B3GALNT1: variants seen among roughly 807,000 people sequenced by gnomAD.
The protein encoded by B3GALNT1 is UDP-GalNAc:beta-1,3-N-acetylgalactosaminyltransferase 1.
B3GALNT1 carries 17 observed loss-of-function variants against 27.3 expected under a neutral mutation model. That is an observed-to-expected ratio of 0.62 (90% confidence interval 0.43 to 0.94). B3GALNT1 has a LOEUF of 0.94. Ranked by LOEUF, B3GALNT1 falls within the 40% of genes least tolerant of loss-of-function variation. B3GALNT1 has a pLI of 0.00. For missense variants in B3GALNT1, 347 were observed against 390.0 expected (o/e 0.89, Z 0.93); for synonymous variants, 141 against 144.0 (o/e 0.98, Z 0.15).
chr3:161,099,792 T>C (rs1216992455), intron 4 of B3GALNT1, among the ~76,000 whole-genome samples: 2 of 151,430 alleles, frequency 1.3e-5, no homozygotes, highest in East Asian at 3.9e-4. Flanking sequence ...GAATACTAGA[T>C]TGTGTCCCCC....
At chr3:161,099,863 A>G (rs556702725) in intron 4 of B3GALNT1, among the ~76,000 whole-genome samples, 1 of 152,256 alleles carries the variant, frequency 6.6e-6, no homozygotes, top group East Asian at 1.9e-4. Flanking sequence ...AAGAAACTGG[A>G]AAAGCATCTG....
chr3:161,103,197 G>A (rs34853143), intron 3 of B3GALNT1: 1 of 217,512 alleles, frequency 4.6e-6, no homozygotes, highest in African/African-American at 2.4e-5. Flanking sequence ...ACATAAAGTG[G>A]CCTTGTCTCT....
At chr3:161,093,463 C>A (rs756517396) in intron 4 of B3GALNT1, among the ~76,000 whole-genome samples, 2 of 152,132 alleles carry the variant, frequency 1.3e-5, no homozygotes, top group Non-Finnish European at 2.9e-5. Flanking sequence ...AGTGAGAGCA[C>A]AGGGCAGCTG....
At chr3:161,104,035 GT>G (rs1235062087) in intron 2 of B3GALNT1, 2 of 243,108 alleles carry the variant, frequency 8.2e-6, no homozygotes, top group Non-Finnish European at 1.6e-5. Context: ...CCTGGATGCT[GT>G]TTTGACAACA....
intron 4 of B3GALNT1, among the ~76,000 whole-genome samples, chr3:161,097,680 C>T (rs1006843851): frequency 6.6e-6 from 1 of 152,194 alleles, no homozygotes; most frequent in African/African-American, 2.4e-5. Flanking sequence ...GCCCCATGGT[C>T]TTTCTACAAC....
chr3:161,097,572 G>A (rs1484485541), intron 4 of B3GALNT1, among the ~76,000 whole-genome samples: 5 of 152,130 alleles, frequency 3.3e-5, no homozygotes, highest in Non-Finnish European at 5.9e-5. Context: ...GCAAATACGA[G>A]CCCCAAAGAA....
intron 4 of B3GALNT1, among the ~76,000 whole-genome samples, chr3:161,095,218 GGTTGT>G: frequency 6.6e-6 from 1 of 152,222 alleles, no homozygotes. Context: ...CCAAAAAGCT[GGTTGT>G]TGGAAAGGCT....
rs1415357117 is a variant in B3GALNT1 at position 161,103,440 on chromosome 3, G to A, written c.-143C>T. ...AGATGAACTTACCTGTGGAATTCCAGATGAAATTAAAGCTTAAGTTTTTTG... is the reference window on the plus strand; with the variant it reads ...AGATGAACTTACCTGTGGAATTCCAAATGAAATTAAAGCTTAAGTTTTTTG... On this transcript the variant is annotated 5_prime_UTR_variant, in exon 3 of 5. Transcript: ENST00000320474. 7.9e-7 allele frequency: 1 copy of A among 1,265,496 alleles called. No homozygotes were observed. The highest frequency in any genetic ancestry group is 2.3e-5 in the Admixed American group (1 of 43,244). The allele number at this position is 1,265,496 out of a possible 1,614,324, so 78.4% of individuals were successfully genotyped here. A position where few individuals can be genotyped will look rare whatever the true frequency, so the allele number is the denominator to read the frequency against.
chr3:161,101,550 C>A (rs1731281436), intron 3 of B3GALNT1, among the ~76,000 whole-genome samples: 1 of 152,132 alleles, frequency 6.6e-6, no homozygotes, highest in African/African-American at 2.4e-5. Flanking sequence ...GCCCTGTCCT[C>A]AAGTTGCCGA....
intron 4 of B3GALNT1, chr3:161,089,924 C>T: frequency 5.7e-6 from 1 of 174,770 alleles, no homozygotes; most frequent in Non-Finnish European, 1.3e-5. Context: ...CAAAAATTAG[C>T]CAGGCATGGT....
In B3GALNT1 at chr3:161,101,242, G is replaced by C; in HGVS notation, c.-129-9C>G. The stretch of plus-strand genomic sequence containing the variant: ...CCAGGGAGCTAAGAAAACTGGAGCA[G>C]AGCAAAGATCACAAAGTCAGGCAGA... On this transcript the variant is annotated splice_polypyrimidine_tract_variant and intron_variant, in intron 3 of 4. Transcript: ENST00000320474. The C allele has an allele frequency of 7.8e-7, 1 of 1,288,734 alleles. No homozygotes were observed. Among genetic ancestry groups the C allele is most frequent in the Non-Finnish European group, 1.0e-6 (1 of 987,844 alleles). 79.8% of individuals were successfully genotyped at this position (1,288,734 alleles called of 1,614,324 possible). A position where few individuals can be genotyped will look rare whatever the true frequency, so the allele number is the denominator to read the frequency against.
At chr3:161,087,655 C>A (rs1367187949) in intron 4 of B3GALNT1, among the ~76,000 whole-genome samples, 1 of 152,138 alleles carries the variant, frequency 6.6e-6, no homozygotes, top group Non-Finnish European at 1.5e-5. Flanking sequence ...CCAGCTGAGA[C>A]AAGAGGAGGC....
chr3:161,101,003 C>A (rs1730943568), intron 4 of B3GALNT1, 136 bp downstream of exon 4: 13 of 487,168 alleles, frequency 2.7e-5, no homozygotes, highest in Non-Finnish European at 3.9e-5. Flanking sequence ...AATCCAAACT[C>A]AAGCCCTTCA....
At position 161,103,465 on chromosome 3, in the gene B3GALNT1, G is replaced by A; in HGVS notation, c.-168C>T. The A allele has an allele frequency of 3.9e-6, 5 of 1,282,768 alleles. No individual in the cohort carries two copies. Among genetic ancestry groups the A allele is most frequent in the Non-Finnish European group, 5.1e-6 (5 of 983,346 alleles). The allele number at this position is 1,282,768 out of a possible 1,614,324, so 79.5% of individuals were successfully genotyped here. A position where few individuals can be genotyped will look rare whatever the true frequency, so the allele number is the denominator to read the frequency against. ...GATGAAATTAAAGCTTAAGTTTTTT[G>A]TTGTTTTCTGTATTCCATGCTTAAT... is the stretch of plus-strand genomic sequence containing the variant. On this transcript the variant is annotated 5_prime_UTR_variant, in exon 3 of 5. The change creates a premature stop within an existing upstream ORF in the 5' untranslated region. Coordinates refer to ENST00000320474, the MANE Select transcript of B3GALNT1 (RefSeq NM_003781.4).
intron 4 of B3GALNT1, among the ~76,000 whole-genome samples, chr3:161,100,072 A>T (rs896299709): frequency 6.6e-6 from 1 of 150,810 alleles, no homozygotes; most frequent in African/African-American, 2.5e-5. Context: ...ATACTTTCAA[A>T]TTATTTTGAA....
intron 4 of B3GALNT1, 70 bp from the exon 5 acceptor site, chr3:161,086,858 T>G (rs779761894): frequency 4.8e-6 from 7 of 1,462,698 alleles, no homozygotes; most frequent in Non-Finnish European, 5.6e-6. Flanking sequence ...CATCTGACTA[T>G]CTACTCAAGG....
intron 4 of B3GALNT1, among the ~76,000 whole-genome samples, chr3:161,087,806 CT>C (rs1013870097): frequency 6.6e-6 from 1 of 152,166 alleles, no homozygotes; most frequent in Non-Finnish European, 1.5e-5. Context: ...TGTATATTTA[CT>C]GGACATCTGC....
At position 161,086,344 on chromosome 3, in the gene B3GALNT1, G is replaced by C; in HGVS notation, c.411C>G (p.His137Gln). ...GTCGGATTATGTCACCATAAAGAAG[G>C]TGTTCATCCTCTAAGGACAATGCCA... ...KMLALSLEDE[H>Q]LLYGDIIRQD... The change falls in exon 5 of 5, where the codon CAC (histidine) becomes CAG (glutamine). Residue 137 changes from histidine to glutamine, a missense_variant. Transcript: ENST00000320474. 1 of 1,614,124 alleles carries C rather than the reference G, an allele frequency of 6.2e-7. No individual in the cohort carries two copies. Among genetic ancestry groups the C allele is most frequent in the Non-Finnish European group, 8.5e-7 (1 of 1,180,020 alleles).
chr3:161,097,270 A>G (rs570069249), intron 4 of B3GALNT1, among the ~76,000 whole-genome samples: 1 of 152,296 alleles, frequency 6.6e-6, no homozygotes, highest in East Asian at 1.9e-4. Flanking sequence ...CGCGCTAAAC[A>G]TCTAGGATGG....
Sources: gnomAD v4.1 joint callset for allele counts (sites outside exome capture counted in the v4.1 genomes callset) on GRCh38, gnomAD v4.1.1 for gene constraint, MANE v1.5 for transcripts, NCBI Gene and HGNC (gene_info 2026-07-23, HGNC 2026-07-21) for gene names.